DCP1B: variants seen among roughly 807,000 people sequenced by gnomAD.
DCP1B encodes the protein decapping mRNA 1B.
Under a neutral mutation model 60.5 loss-of-function variants are expected in DCP1B, and 47 were observed. That is an observed-to-expected ratio of 0.78 (90% CI 0.61 to 0.99). DCP1B has a LOEUF of 0.99. DCP1B is among the 50% of genes least tolerant of loss of function. DCP1B has a pLI of 0.00. For missense variants in DCP1B, 725 were observed against 756.8 expected (o/e 0.96, Z 0.49); for synonymous variants, 267 against 280.3 (o/e 0.95, Z 0.47).
chr12:1,994,086 T>C (rs1446051435), intron 2 of DCP1B, among the ~76,000 whole-genome samples: 2 of 152,246 alleles, frequency 1.3e-5, no homozygotes, highest in African/African-American at 4.8e-5. Flanking sequence ...TCAATAAACC[T>C]TGAATGCCTG....
At chr12:1,958,731 T>C (rs535884759) in intron 5 of DCP1B, among the ~76,000 whole-genome samples, 1 of 138,480 alleles carries the variant, frequency 7.2e-6, no homozygotes, top group East Asian at 2.2e-4. Context: ...CTCTGGGCAA[T>C]GACTTTTTCT....
chr12:1,963,887 A>G lies in DCP1B; in HGVS notation c.522+1671T>C, dbSNP rs941522887. 4.3e-4 allele frequency among the ~76,000 whole-genome samples: 66 copies of G among 152,242 alleles called. 1 individual carries two copies. The highest frequency in any genetic ancestry group is 1.8e-4 in the Non-Finnish European group (12 of 68,038). On this transcript the variant is annotated intron_variant, in intron 5 of 8. Transcript: ENST00000280665. The stretch of plus-strand genomic sequence containing the variant: ...TGTTTTTATACCTAAGAAACAAAAC[A>G]TGAACTAATTCTGATATTTCCACTT...
In DCP1B at chr12:1,949,178, G is replaced by A; in HGVS notation, c.1681C>T (p.Leu561Phe). The change falls in exon 8 of 9, where the codon CTC becomes TTC. Residue 561 changes from leucine to phenylalanine, a missense_variant. By Grantham distance (22) the Leu-to-Phe change is conservative (BLOSUM62 0). Coordinates refer to ENST00000280665, the MANE Select transcript of DCP1B (RefSeq NM_152640.5). Reference protein sequence around the residue: ...QEPPAAATSLLLPIQSPEPSV... With the variant: ...QEPPAAATSLFLPIQSPEPSV... Reference sequence around the variant, plus strand: ...GGCTCCGGGCTCTGTATGGGCAGGAGGAGGCTGGTGGCAGCAGCAGGTGGC... The same window carrying A: ...GGCTCCGGGCTCTGTATGGGCAGGAAGAGGCTGGTGGCAGCAGCAGGTGGC... The A allele has an allele frequency of 4.3e-6, 7 of 1,614,188 alleles. No individual in the cohort carries two copies. The highest frequency in any genetic ancestry group is 5.1e-6 in the Non-Finnish European group (6 of 1,180,040).
rs1254394259 is a variant in DCP1B at position 2,004,269 on chromosome 12, C to T, written c.150+13G>A. 3.7e-6 allele frequency: 6 copies of T among 1,612,860 alleles called. No homozygotes were observed. Among genetic ancestry groups the T allele is most frequent in the Non-Finnish European group, 5.1e-6 (6 of 1,179,808 alleles). On this transcript the variant is annotated intron_variant, in intron 1 of 8. Coordinates refer to ENST00000280665, the MANE Select transcript of DCP1B (RefSeq NM_152640.5). ...AACCCTGGGCTGCACTGCTCCGCCG[C>T]GTCCGCACGCACCCACTCGTTGGCC...
intron 1 of DCP1B, among the ~76,000 whole-genome samples, chr12:2,003,970 C>G (rs921498576): frequency 6.6e-6 from 1 of 152,298 alleles, no homozygotes; most frequent in Admixed American, 6.5e-5. Flanking sequence ...ATCGGTCTTC[C>G]GGCCATAAGG....
At chr12:1,991,077 T>C (rs1225006651) in intron 3 of DCP1B, 3 of 455,794 alleles carry the variant, frequency 6.6e-6, no homozygotes, top group Non-Finnish European at 8.8e-6. Context: ...TTCTTTTGTA[T>C]GGAAATTCAT....
At chr12:1,949,479 T>A in intron 7 of DCP1B, 145 bp from the exon 8 acceptor site, 1 of 1,119,588 alleles carries the variant, frequency 8.9e-7, no homozygotes, top group Non-Finnish European at 1.3e-6. Context: ...TGATTCTTGC[T>A]CCACTGCTCC....
chr12:1,993,106 T>C, intron 3 of DCP1B, 158 bp downstream of exon 3: 1 of 916,838 alleles, frequency 1.1e-6, no homozygotes, highest in Non-Finnish European at 1.8e-6. Flanking sequence ...ATTCCATCAT[T>C]AGGGCATGCA....
intron 3 of DCP1B, chr12:1,970,940 T>C (rs2032026345): frequency 2.3e-6 from 1 of 437,268 alleles, no homozygotes; most frequent in African/African-American, 2.1e-5. Context: ...ATGTCAACTT[T>C]TGTGGCACTG....
intron 2 of DCP1B, among the ~76,000 whole-genome samples, chr12:1,997,579 T>C (rs2041243414): frequency 6.6e-6 from 1 of 152,168 alleles, no homozygotes; most frequent in South Asian, 2.1e-4. Context: ...AACTGAACAA[T>C]CTAGTATTTC....
intron 5 of DCP1B, among the ~76,000 whole-genome samples, chr12:1,961,916 T>C (rs2031140442): frequency 6.6e-6 from 1 of 152,124 alleles, no homozygotes. Flanking sequence ...TTCTTTTATG[T>C]GATGGTCACT....
At chr12:1,996,736 T>C (rs1005080364) in intron 2 of DCP1B, among the ~76,000 whole-genome samples, 1 of 148,306 alleles carries the variant, frequency 6.7e-6, no homozygotes, top group Admixed American at 6.7e-5. Context: ...CCACGTGTCC[T>C]ATGGGCCGTG....
At chr12:2,003,870 G>A (rs2042742583) in intron 1 of DCP1B, among the ~76,000 whole-genome samples, 3 of 152,064 alleles carry the variant, frequency 2.0e-5, no homozygotes. Flanking sequence ...TCCAAAATCA[G>A]AACTCTGCAC....
rs528555734 is a variant in DCP1B, at chr12:1,980,264, G to T, written c.320-12354C>A. Among the ~76,000 whole-genome samples the T allele has an allele frequency of 3.9e-5, 6 of 152,306 alleles. No homozygotes were observed. The South Asian group carries it at 1.2e-3, about 32-fold the overall frequency. ...ATAGACTGCAATATAATGATGCAGT[G>T]GAGTACTACACAGAATAAAAAGCAA... On this transcript the variant is annotated intron_variant, in intron 3 of 8. Coordinates refer to ENST00000280665, the MANE Select transcript of DCP1B (RefSeq NM_152640.5).
intron 7 of DCP1B, chr12:1,950,249 T>A: frequency 1.5e-6 from 1 of 673,854 alleles, no homozygotes; most frequent in Non-Finnish European, 2.7e-6. Context: ...TTTTAACTTG[T>A]CCCTACATGA....
At chr12:1,952,295 TC>T in intron 7 of DCP1B, 120 bp downstream of exon 7, 1 of 1,234,204 alleles carries the variant, frequency 8.1e-7, no homozygotes, top group Non-Finnish European at 1.1e-6. Context: ...CACCTCAGCC[TC>T]CTCAGTAGCT....
At chr12:1,953,774 T>C (rs540544748) in intron 6 of DCP1B, among the ~76,000 whole-genome samples, 3 of 152,352 alleles carry the variant, frequency 2.0e-5, no homozygotes, top group African/African-American at 7.2e-5. Context: ...CTTTCAAATA[T>C]ATACTGGTAG....
intron 3 of DCP1B, chr12:1,992,741 G>C (rs1364359356): frequency 5.4e-6 from 1 of 184,808 alleles, no homozygotes; most frequent in Non-Finnish European, 1.1e-5. Flanking sequence ...ACATTACAAA[G>C]GGTTATTAAA....
At chr12:1,985,892 G>C (rs1180629241) in intron 3 of DCP1B, among the ~76,000 whole-genome samples, 1 of 151,968 alleles carries the variant, frequency 6.6e-6, no homozygotes, top group Non-Finnish European at 1.5e-5. Flanking sequence ...CTCACTGCAA[G>C]CTCCACCTCC....
Sources: gnomAD v4.1 joint callset for allele counts (sites outside exome capture counted in the v4.1 genomes callset) on GRCh38, gnomAD v4.1.1 for gene constraint, MANE v1.5 for transcripts, NCBI Gene and HGNC (gene_info 2026-07-23, HGNC 2026-07-21) for gene names.